The following DLGAP2 variants were observed in gnomAD, a reference collection of about 807,000 sequenced individuals.
DLGAP2 encodes the protein disks large-associated protein 2.
Under a neutral mutation model 100.3 loss-of-function variants are expected in DLGAP2, and 26 were observed. That is an observed-to-expected ratio of 0.26 (90% CI 0.19 to 0.36). The LOEUF (loss-of-function observed/expected upper bound fraction) is 0.36. DLGAP2 is among the 10% of genes least tolerant of loss of function. The pLI is 1.00. For missense variants in DLGAP2, 1,858 were observed against 1,453.2 expected (o/e 1.28, Z -4.53); for synonymous variants, 886 against 630.1 (o/e 1.41, Z -6.08).
chr8:1,167,224 T>G (rs995483592), intron 2 of DLGAP2, among the ~76,000 whole-genome samples: 1 of 152,138 alleles, frequency 6.6e-6, no homozygotes, highest in Non-Finnish European at 1.5e-5. Flanking sequence ...ATGCATGAAA[T>G]TCACAAGCAA....
intron 2 of DLGAP2, among the ~76,000 whole-genome samples, chr8:1,214,692 C>G (rs1036091641): frequency 2.0e-5 from 3 of 152,256 alleles, no homozygotes. Flanking sequence ...GCCTTTCATT[C>G]TGTGCACTGC....
chr8:1,042,542 C>G (rs1316074059), intron 2 of DLGAP2, among the ~76,000 whole-genome samples: 1 of 152,130 alleles, frequency 6.6e-6, no homozygotes, highest in Non-Finnish European at 1.5e-5. Context: ...GAAGCGTAGC[C>G]CAGGAAAGCA....
chr8:1,201,782 G>A (rs767183140), intron 2 of DLGAP2, among the ~76,000 whole-genome samples: 14 of 152,218 alleles, frequency 9.2e-5, no homozygotes, highest in African/African-American at 2.7e-4. Flanking sequence ...GGCAGCATCC[G>A]CAGACACACA....
intron 3 of DLGAP2, among the ~76,000 whole-genome samples, chr8:1,327,891 C>A (rs1474261193): frequency 6.6e-6 from 1 of 152,134 alleles, no homozygotes; most frequent in Non-Finnish European, 1.5e-5. Flanking sequence ...AATCCATTCT[C>A]CACTTTTTCA....
At chr8:1,030,835 G>A (rs1441870144) in intron 2 of DLGAP2, among the ~76,000 whole-genome samples, 2 of 152,138 alleles carry the variant, frequency 1.3e-5, no homozygotes, top group Admixed American at 6.5e-5. Context: ...GGCCGCGGGC[G>A]GGACCTTCCC....
At chr8:914,626 A>G (rs964349492) in intron 2 of DLGAP2, among the ~76,000 whole-genome samples, 1 of 152,256 alleles carries the variant, frequency 6.6e-6, no homozygotes, top group African/African-American at 2.4e-5. Context: ...TTCTGTGCAG[A>G]GCAAGGATTG....
At chr8:755,624 G>C (rs1224178873) in intron 1 of DLGAP2, among the ~76,000 whole-genome samples, 1 of 152,160 alleles carries the variant, frequency 6.6e-6, no homozygotes, top group Non-Finnish European at 1.5e-5. Flanking sequence ...AGGTGGGGGT[G>C]AATGTATTCC....
intron 8 of DLGAP2, among the ~76,000 whole-genome samples, chr8:1,655,659 T>C (rs1798267348): frequency 6.6e-6 from 1 of 152,222 alleles, no homozygotes; most frequent in South Asian, 2.1e-4. Flanking sequence ...CCATGTGAAG[T>C]GTAGATTGTG....
chr8:1,511,629 C>G (rs1266003242), intron 4 of DLGAP2, among the ~76,000 whole-genome samples: 2 of 151,504 alleles, frequency 1.3e-5, no homozygotes, highest in African/African-American at 4.9e-5. Flanking sequence ...TAGTGTAGGA[C>G]AATCAGTAGA....
rs897631142 is a variant in DLGAP2 at position 1,602,066 on chromosome 8, G to A, written c.1443-24674G>A. On this transcript the variant is annotated intron_variant, in intron 6 of 14. Transcript: ENST00000637795. ...GCTGCCTGCTGCATCCCAGACTTGG[G>A]CCATGCAAGCTGCATTGAAGCACTC... Among the ~76,000 whole-genome samples the A allele has an allele frequency of 5.9e-5, 9 of 151,884 alleles. No individual in the cohort carries two copies. In the East Asian group the frequency reaches 1.6e-3, roughly 26 times the overall value.
chr8:1,392,473 G>T (rs867982189), intron 3 of DLGAP2, among the ~76,000 whole-genome samples: 5 of 152,242 alleles, frequency 3.3e-5, no homozygotes, highest in South Asian at 2.1e-4. Context: ...TGGACGCCGC[G>T]TGGTCCTTCT....
intron 2 of DLGAP2, among the ~76,000 whole-genome samples, chr8:930,688 CG>C (rs5888819): frequency 0.39 from 59,668 of 151,946 alleles, 12,128 homozygotes; most frequent in Admixed American, 0.53. Flanking sequence ...TGCAGGTGTG[CG>C]GGGATTGGGA....
chr8:1,231,176 C>T (rs1223992033), intron 2 of DLGAP2, among the ~76,000 whole-genome samples: 1 of 152,036 alleles, frequency 6.6e-6, no homozygotes, highest in African/African-American at 2.4e-5. Flanking sequence ...TAAAATTGGA[C>T]AAAAGACATA....
chr8:788,379 C>G (rs534131029), intron 1 of DLGAP2, among the ~76,000 whole-genome samples: 5 of 152,318 alleles, frequency 3.3e-5, no homozygotes, highest in Middle Eastern at 6.8e-3. Flanking sequence ...TCCACATGCT[C>G]TGGTTGTGGC....
At chr8:1,281,055 A>G (rs2116948342) in intron 3 of DLGAP2, among the ~76,000 whole-genome samples, 1 of 152,320 alleles carries the variant, frequency 6.6e-6, no homozygotes, top group Middle Eastern at 3.4e-3. Flanking sequence ...ATGAGATAAG[A>G]ATAGTGCCCA....
chr8:1,028,166 C>A (rs1202326488), intron 2 of DLGAP2, among the ~76,000 whole-genome samples: 3 of 133,974 alleles, frequency 2.2e-5, no homozygotes, highest in Non-Finnish European at 4.8e-5. Context: ...GGGTACCAGG[C>A]GCCCGTTATT....
At chr8:1,221,492 G>T (rs900080305) in intron 2 of DLGAP2, among the ~76,000 whole-genome samples, 5 of 152,066 alleles carry the variant, frequency 3.3e-5, no homozygotes, top group African/African-American at 1.2e-4. Flanking sequence ...GGGTTCCCTT[G>T]GTACATGACC....
chr8:1,441,334 C>T (rs1010403410), intron 3 of DLGAP2, among the ~76,000 whole-genome samples: 6 of 152,074 alleles, frequency 3.9e-5, no homozygotes, highest in African/African-American at 1.4e-4. Flanking sequence ...GAAATGTCTT[C>T]ACGCCCCTAC....
intron 4 of DLGAP2, among the ~76,000 whole-genome samples, chr8:1,510,131 C>T (rs576747376): frequency 6.6e-6 from 1 of 152,304 alleles, no homozygotes; most frequent in African/African-American, 2.4e-5. Flanking sequence ...ATTACAAGCA[C>T]GCTCCCGTGC....
Sources: gnomAD v4.1 joint callset for allele counts (sites outside exome capture counted in the v4.1 genomes callset) on GRCh38, gnomAD v4.1.1 for gene constraint, MANE v1.5 for transcripts, NCBI Gene and HGNC (gene_info 2026-07-23, HGNC 2026-07-21) for gene names.